PLCB3: variants seen among roughly 807,000 people sequenced by gnomAD.
PLCB3 encodes the protein 1-phosphatidylinositol 4,5-bisphosphate phosphodiesterase beta-3.
Under a neutral mutation model 152.1 loss-of-function variants are expected in PLCB3, and 54 were observed. The observed-to-expected ratio is 0.36, with a 90% CI of 0.29 to 0.45. The LOEUF is 0.45. PLCB3 is among the 20% of genes least tolerant of loss of function. The probability of loss-of-function intolerance (pLI) is 1.00; values close to 1 mark genes in which losing one functional copy is unlikely to be tolerated. For missense variants in PLCB3, 1,248 were observed against 1,687.5 expected, an observed-to-expected ratio of 0.74 and a Z score of 4.56; for synonymous variants, 717 against 698.7, an observed-to-expected ratio of 1.03 and a Z score of -0.41.
chr11:64,263,254 G>T, intron 19 of PLCB3: 1 of 562,034 alleles, frequency 1.8e-6, no homozygotes, highest in Non-Finnish European at 3.2e-6. Context: ...TGTCTGTGGG[G>T]GCCCTGGAGG....
Position 64,267,878 on chromosome 11 carries a change from A to T in PLCB3, c.*322A>T. 3.0e-6 allele frequency: 1 copy of T among 331,742 alleles called. No individual in the cohort carries two copies. Among genetic ancestry groups the T allele is most frequent in the Non-Finnish European group, 5.5e-6 (1 of 181,850 alleles). The allele number at this position is 331,742 out of a possible 1,614,324, so 20.5% of individuals were successfully genotyped here. A position where few individuals can be genotyped will look rare whatever the true frequency, so the allele number is the denominator to read the frequency against. On this transcript the variant is annotated 3_prime_UTR_variant, in exon 31 of 31. Transcript: ENST00000279230. This position sits in a 1 kb window ranked among gnomAD's most constrained non-coding sequence, Gnocchi z 5.2. ...AAGTAGGAGTCACATTTTTTTCTCT[A>T]TTCTTTGGGGATTTTTTTTACATGA...
intron 24 of PLCB3, 25 bp downstream of exon 24, chr11:64,265,252 AG>A: frequency 1.3e-6 from 2 of 1,592,868 alleles, no homozygotes; most frequent in East Asian, 2.3e-5. Context: ...ACCTGGAGGC[AG>A]GGGGCTGCCT....
Position 64,267,598 on chromosome 11 carries a change from G to GCCCT in PLCB3, c.*42_*43insCCCT. On this transcript the variant is annotated 3_prime_UTR_variant, in exon 31 of 31. Transcript: ENST00000279230. This position sits in a 1 kb window ranked among gnomAD's most constrained non-coding sequence, Gnocchi z 5.2. ...GGCCACAGGGCCAGGGCGGGCGCTG[G>GCCCT]GTGGAGGGCAGGAGGCAATGACACT... 7.0e-7 allele frequency: 1 copy of GCCCT among 1,427,832 alleles called. No individual in the cohort carries two copies. The highest frequency in any genetic ancestry group is 9.5e-7 in the Non-Finnish European group (1 of 1,051,336). 88.4% of individuals were successfully genotyped at this position (1,427,832 alleles called of 1,614,324 possible). A position where few individuals can be genotyped will look rare whatever the true frequency, so the allele number is the denominator to read the frequency against.
chr11:64,254,392 C>T (rs1428814097), intron 1 of PLCB3, 23 bp from the exon 2 acceptor site: 3 of 1,605,924 alleles, frequency 1.9e-6, no homozygotes, highest in African/African-American at 1.3e-5. Context: ...TTCCTGACCC[C>T]TGCTGCCCTG....
Position 64,267,292 on chromosome 11 carries a change from G to C in PLCB3, c.3501+21G>C. ...CCAAGGTGAGGCCATGGGCGAACAG[G>C]TGGGCAGACGGGGTGCAAGGCAGCC... On this transcript the variant is annotated intron_variant, in intron 30 of 30. Transcript: ENST00000279230. The surrounding 1 kb of genome is among the most constrained non-coding windows in gnomAD (Gnocchi z 5.2). 2 of 1,550,882 alleles carry C rather than the reference G, an allele frequency of 1.3e-6. No homozygotes were observed. The highest frequency in any genetic ancestry group is 8.7e-7 in the Non-Finnish European group (1 of 1,146,844).
chr11:64,263,931 C>A, intron 21 of PLCB3, 90 bp from the exon 22 acceptor site: 1 of 1,213,716 alleles, frequency 8.2e-7, no homozygotes, highest in Non-Finnish European at 1.2e-6. Context: ...TGAGGACAAG[C>A]TCTGGAATTC....
In PLCB3 at chr11:64,265,518, G is replaced by C; in HGVS notation, c.3035+16G>C. On this transcript the variant is annotated intron_variant, in intron 25 of 30. Coordinates refer to ENST00000279230, the MANE Select transcript of PLCB3 (RefSeq NM_000932.5). ...CAGGTGCCCTGTGAGTGTCTGGGCCGCCTGTGTGCTATGTGTGCTGGGTGT... is the reference window on the plus strand; with the variant it reads ...CAGGTGCCCTGTGAGTGTCTGGGCCCCCTGTGTGCTATGTGTGCTGGGTGT... The C allele has an allele frequency of 6.3e-7, 1 of 1,586,368 alleles. No individual in the cohort carries two copies. Among genetic ancestry groups the C allele is most frequent in the East Asian group, 2.3e-5 (1 of 44,170 alleles).
chr11:64,257,070 T>C (rs561010713), intron 10 of PLCB3, among the ~76,000 whole-genome samples: 3 of 142,228 alleles, frequency 2.1e-5, no homozygotes, highest in African/African-American at 7.6e-5. Context: ...AATGGCACGA[T>C]CTAGGCTCAG....
In PLCB3 at chr11:64,255,669, C is replaced by G; in HGVS notation, c.598-52C>G. 1 of 1,605,646 alleles carries G rather than the reference C, an allele frequency of 6.2e-7. No homozygotes were observed. The highest frequency in any genetic ancestry group is 8.5e-7 in the Non-Finnish European group (1 of 1,173,538). ...TGGGGTGTCACGGTGGGCACCCACC[C>G]TTACGGGGCTGCCCGCCCCTGGCTT... On this transcript the variant is annotated intron_variant, in intron 7 of 30. Transcript: ENST00000279230. This position sits in a 1 kb window ranked among gnomAD's most constrained non-coding sequence, Gnocchi z 6.8.
At chr11:64,253,666 G>C (rs978266143) in intron 1 of PLCB3, among the ~76,000 whole-genome samples, 30 of 152,168 alleles carry the variant, frequency 2.0e-4, no homozygotes, top group African/African-American at 7.2e-4. Flanking sequence ...AGTCACACAG[G>C]GTGGCCCTGG....
Position 64,266,553 on chromosome 11 carries a change from G to A in PLCB3, c.3414+1G>A. Reference sequence around the variant, plus strand: ...TGAGTCAGTCAACTCCATCCGTCGGGTGAGTCAGGCTCCCGGGCCACCCTA... The same window carrying A: ...TGAGTCAGTCAACTCCATCCGTCGGATGAGTCAGGCTCCCGGGCCACCCTA... On this transcript the variant is annotated splice_donor_variant, in intron 29 of 30. Coordinates refer to ENST00000279230, the MANE Select transcript of PLCB3 (RefSeq NM_000932.5). LOFTEE classifies it high-confidence loss of function. The surrounding 1 kb of genome is among the most constrained non-coding windows in gnomAD (Gnocchi z 4.9). 6.2e-7 allele frequency: 1 copy of A among 1,613,770 alleles called. No homozygotes were observed. The highest frequency in any genetic ancestry group is 1.3e-5 in the African/African-American group (1 of 74,966).
intron 22 of PLCB3, among the ~76,000 whole-genome samples, chr11:64,264,722 T>C (rs2032023513): frequency 6.6e-6 from 1 of 152,094 alleles, no homozygotes; most frequent in Admixed American, 6.5e-5. Flanking sequence ...GCACATGCAG[T>C]GGGCTGGCAT....
At position 64,255,517 on chromosome 11, in the gene PLCB3, C is replaced by G. The variant is rs1290410503; in HGVS notation, c.522-24C>G. ...TGGTGACCTTTGTCCTCCACTGACCCTGAACCCCTCCTGCCCGCATCAGCA... is the reference window on the plus strand; with the variant it reads ...TGGTGACCTTTGTCCTCCACTGACCGTGAACCCCTCCTGCCCGCATCAGCA... On this transcript the variant is annotated intron_variant, in intron 6 of 30. Transcript: ENST00000279230. This position sits in a 1 kb window ranked among gnomAD's most constrained non-coding sequence, Gnocchi z 6.8. 1 of 1,614,070 alleles carries G rather than the reference C, an allele frequency of 6.2e-7. No individual in the cohort carries two copies. The highest frequency in any genetic ancestry group is 8.5e-7 in the Non-Finnish European group (1 of 1,179,950).
rs770412264 is a variant in PLCB3, at chr11:64,265,386, C to T, written c.2919C>T (p.Asp973=). The change falls in exon 25 of 31, where the codon GAC becomes GAT. Residue 973 remains aspartate, a synonymous_variant. Transcript: ENST00000279230. ...LVKLRSRQER[D]LRELRKKHQR... ...AGCTCCGGAGCCGGCAAGAGCGAGA[C>T]CTGCGGGAGCTGCGCAAGAAGCATC... is the stretch of plus-strand genomic sequence containing the variant. 9.3e-6 allele frequency: 15 copies of T among 1,612,370 alleles called. No homozygotes were observed. In the African/African-American group the frequency reaches 1.6e-4, roughly 17 times the overall value.
At position 64,265,109 on chromosome 11, in the gene PLCB3, G is replaced by A. The variant is rs2032046971; in HGVS notation, c.2806+5G>A. 6.7e-7 allele frequency: 1 copy of A among 1,486,446 alleles called. No homozygotes were observed. Among genetic ancestry groups the A allele is most frequent in the East Asian group, 2.7e-5 (1 of 37,336 alleles). 92.1% of individuals were successfully genotyped at this position (1,486,446 alleles called of 1,614,324 possible). On this transcript the variant is annotated splice_donor_5th_base_variant and intron_variant, in intron 23 of 30. Coordinates refer to ENST00000279230, the MANE Select transcript of PLCB3 (RefSeq NM_000932.5). ...GCACCTCCCTCAGCAGCCCAGGTAA[G>A]GAGTGGCCTGGGTCGGGGGTGGGCT...
In PLCB3 at chr11:64,266,030, C is replaced by A. The variant is rs1174490656; in HGVS notation, c.3180C>A (p.His1060Gln). Reference sequence around the variant, plus strand: ...CAGAGGCCCAGCGGAGGCTGGAACACCTGAGACAGGTAGGGGGCCTGCAGT... The same window carrying A: ...CAGAGGCCCAGCGGAGGCTGGAACAACTGAGACAGGTAGGGGGCCTGCAGT... ...VDAEAQRRLE[H>Q]LRQALQRLRE... is the part of the protein sequence containing the mutation. Residue 1060 changes from histidine (H) to glutamine (Q), a missense_variant, in exon 26 of 31, where the codon CAC becomes CAA. His to Gln is a conservative substitution (Grantham distance 24). Around this residue, in one of 6 missense-constraint regions of PLCB3, gnomAD observed 477 missense variants for 489.6 expected, o/e 0.97. Transcript: ENST00000279230. The surrounding 1 kb of genome is among the most constrained non-coding windows in gnomAD (Gnocchi z 4.9). 6.2e-7 allele frequency: 1 copy of A among 1,613,874 alleles called. No homozygotes were observed. Among genetic ancestry groups the A allele is most frequent in the African/African-American group, 1.3e-5 (1 of 74,900 alleles).
chr11:64,255,629 G>A lies in PLCB3; in HGVS notation c.597+13G>A. ...CAAATTCAACCGGGTGTGTGGGGTG[G>A]GGACAGGGGCGGGGTGGGGTGTCAC... is the stretch of plus-strand genomic sequence containing the variant. On this transcript the variant is annotated intron_variant, in intron 7 of 30. Coordinates refer to ENST00000279230, the MANE Select transcript of PLCB3 (RefSeq NM_000932.5). This position sits in a 1 kb window ranked among gnomAD's most constrained non-coding sequence, Gnocchi z 6.8. 6.2e-7 allele frequency: 1 copy of A among 1,607,388 alleles called. No homozygotes were observed. The highest frequency in any genetic ancestry group is 8.5e-7 in the Non-Finnish European group (1 of 1,174,760).
rs1267061194 is a variant in PLCB3, at chr11:64,267,352, G to A, written c.3502-1G>A. On this transcript the variant is annotated splice_acceptor_variant, in intron 30 of 30. Transcript: ENST00000279230. LOFTEE classifies it high-confidence loss of function. This position sits in a 1 kb window ranked among gnomAD's most constrained non-coding sequence, Gnocchi z 5.2. ...CTGTGATGCCCATCCTTCTCCCACAGCTGCTGGCCCAGCTGGCCCAGGAGT... is the reference window on the plus strand; with the variant it reads ...CTGTGATGCCCATCCTTCTCCCACAACTGCTGGCCCAGCTGGCCCAGGAGT... 1 of 1,547,836 alleles carries A rather than the reference G, an allele frequency of 6.5e-7. No homozygotes were observed. Among genetic ancestry groups the A allele is most frequent in the Non-Finnish European group, 8.7e-7 (1 of 1,144,532 alleles).
At position 64,252,623 on chromosome 11, in the gene PLCB3, C is replaced by A. The variant is rs573086629; in HGVS notation, c.99+875C>A. 6.4e-3 allele frequency among the ~76,000 whole-genome samples: 976 copies of A among 152,104 alleles called. 6 individuals are homozygous for A. Among genetic ancestry groups the A allele is most frequent in the African/African-American group, 0.021 (891 of 41,500 alleles). On this transcript the variant is annotated intron_variant, in intron 1 of 30. Transcript: ENST00000279230. ...CGGCTGGGTGGGGCCCCGGGGTAGG[C>A]GTGGGAGCTGGGGGGAGGAGATGGG...
Sources: allele counts gnomAD v4.1 joint callset (sites outside exome capture counted in the v4.1 genomes callset), GRCh38; gene constraint gnomAD v4.1.1; regional missense constraint gnomAD v4.1.1; non-coding constraint Gnocchi (gnomAD v3.1); transcripts MANE v1.5; gene names NCBI Gene and HGNC (gene_info 2026-07-23, HGNC 2026-07-21).